VWDE: variants seen among roughly 807,000 people sequenced by gnomAD.
The protein encoded by VWDE is von Willebrand factor D and EGF domains.
A neutral mutation model predicts 178.4 loss-of-function variants in VWDE; 207 were observed. The observed-to-expected ratio is 1.16, with a 90% confidence interval of 1.04 to 1.30. VWDE has a LOEUF of 1.30. Ranked by LOEUF, VWDE falls within the 50% of genes most tolerant of loss-of-function variation. VWDE has a pLI of 0.00. For synonymous variants in VWDE, 738 were observed against 651.4 expected, an observed-to-expected ratio of 1.13 and a Z score of -2.02; for missense variants, 2,287 against 1,901.3, an observed-to-expected ratio of 1.20 and a Z score of -3.77.
chr7:12,378,999 A>G (rs1459897003), intron 6 of VWDE, among the ~76,000 whole-genome samples: 8 of 152,116 alleles, frequency 5.3e-5, no homozygotes, highest in Admixed American at 5.2e-4. Flanking sequence ...CATCTGCTAG[A>G]ATAGCTCTTC....
chr7:12,360,469 G>T (rs981808657), intron 15 of VWDE, among the ~76,000 whole-genome samples: 34 of 152,090 alleles, frequency 2.2e-4, no homozygotes, highest in African/African-American at 8.0e-4. Flanking sequence ...GATTTGATCT[G>T]ATGACTAATC....
chr7:12,370,105 C>T lies in VWDE; in HGVS notation c.2201G>A (p.Gly734Asp). The T allele has an allele frequency of 6.4e-7, 1 of 1,551,476 alleles. No individual in the cohort carries two copies. Among genetic ancestry groups the T allele is most frequent in the Non-Finnish European group, 8.7e-7 (1 of 1,146,894 alleles). Residue 734 changes from glycine to aspartate, a missense_variant, in exon 12 of 29, where the codon GGC becomes GAC. Physicochemically the swap from Gly to Asp is moderately conservative, Grantham distance 94. Coordinates refer to ENST00000275358, the MANE Select transcript of VWDE (RefSeq NM_001135924.3). ...QYLANKKYTQGRGSHSQEMRY... is the reference protein window; with the variant it reads ...QYLANKKYTQDRGSHSQEMRY... ...CATTTCTTGGCTGTGGCTTCCCCGGCCTTGTGTATATTTCTTATTGGCCAA... is the reference window on the plus strand; with the variant it reads ...CATTTCTTGGCTGTGGCTTCCCCGGTCTTGTGTATATTTCTTATTGGCCAA...
intron 2 of VWDE, among the ~76,000 whole-genome samples, chr7:12,389,775 G>T (rs1289663809): frequency 6.6e-6 from 1 of 152,174 alleles, no homozygotes; most frequent in Non-Finnish European, 1.5e-5. Flanking sequence ...GTATGCACAA[G>T]AAGTTAATGC....
At chr7:12,380,774 C>T (rs920401914) in intron 4 of VWDE, 41 bp from the exon 5 acceptor site, 17 of 1,545,820 alleles carry the variant, frequency 1.1e-5, no homozygotes, top group Admixed American at 2.0e-5. Flanking sequence ...GAATCTTAGA[C>T]AATGGAGACT....
At chr7:12,371,314 T>G (rs1417603729) in intron 10 of VWDE, among the ~76,000 whole-genome samples, 2 of 152,112 alleles carry the variant, frequency 1.3e-5, no homozygotes, top group African/African-American at 4.8e-5. Flanking sequence ...TAGTTGCCAG[T>G]AGACAAACAG....
At chr7:12,374,253 G>GT (rs1235963795) in intron 9 of VWDE, among the ~76,000 whole-genome samples, 2 of 151,884 alleles carry the variant, frequency 1.3e-5, no homozygotes, top group Non-Finnish European at 2.9e-5. Context: ...AGTTATAATA[G>GT]TTTTTTTCCT....
At chr7:12,400,385 G>C (rs895049085) in intron 1 of VWDE, among the ~76,000 whole-genome samples, 1 of 151,870 alleles carries the variant, frequency 6.6e-6, no homozygotes, top group Admixed American at 6.6e-5. Flanking sequence ...ATGAAATAGG[G>C]GACACTACTG....
chr7:12,376,529 G>A (rs990221570), intron 7 of VWDE, among the ~76,000 whole-genome samples: 3 of 152,050 alleles, frequency 2.0e-5, no homozygotes, highest in African/African-American at 7.2e-5. Flanking sequence ...TTGAAAGCAT[G>A]AAAATATATT....
In VWDE at chr7:12,403,820, TCA is replaced by T. The variant is rs1785034720; in HGVS notation, c.-106_-105del. 3 of 1,275,034 alleles carry T rather than the reference TCA, an allele frequency of 2.4e-6. No homozygotes were observed. The highest frequency in any genetic ancestry group is 3.3e-6 in the Non-Finnish European group (3 of 908,604). 79.0% of individuals were successfully genotyped at this position (1,275,034 alleles called of 1,614,324 possible). On this transcript the variant is annotated 5_prime_UTR_variant, in exon 1 of 29. Coordinates refer to ENST00000275358, the MANE Select transcript of VWDE (RefSeq NM_001135924.3). Reference sequence around the variant, plus strand: ...CTCGGGCCTCCTTTCTTGGATTTTCTCAGTCTGTTGCTGCTTGGAACAGGGAA... The same window carrying T: ...CTCGGGCCTCCTTTCTTGGATTTTCTGTCTGTTGCTGCTTGGAACAGGGAA...
chr7:12,392,840 C>G (rs1292239726), intron 2 of VWDE, among the ~76,000 whole-genome samples: 1 of 148,088 alleles, frequency 6.8e-6, no homozygotes, highest in African/African-American at 2.5e-5. Context: ...GATGTGAGTT[C>G]ATGTACAAAA....
intron 19 of VWDE, among the ~76,000 whole-genome samples, chr7:12,345,915 G>C (rs1237822007): frequency 6.6e-6 from 1 of 152,050 alleles, no homozygotes; most frequent in East Asian, 1.9e-4. Context: ...AGTAAATCTT[G>C]TACTAATTAG....
intron 10 of VWDE, among the ~76,000 whole-genome samples, chr7:12,372,259 T>C (rs553198658): frequency 1.3e-5 from 2 of 152,196 alleles, no homozygotes; most frequent in African/African-American, 2.4e-5. Context: ...ACCTGTTTTA[T>C]ACGTAGCAAA....
At chr7:12,389,090 T>A (rs777160260) in intron 3 of VWDE, 37 bp downstream of exon 3, 1 of 1,354,136 alleles carries the variant, frequency 7.4e-7, no homozygotes, top group South Asian at 1.3e-5. Flanking sequence ...CAGAGTTCCA[T>A]GAATAACAGT....
At chr7:12,393,964 A>G (rs1233776329) in intron 1 of VWDE, among the ~76,000 whole-genome samples, 186 bp from the exon 2 acceptor site, 2 of 152,210 alleles carry the variant, frequency 1.3e-5, no homozygotes, top group East Asian at 3.8e-4. Flanking sequence ...TGCATGTTTC[A>G]TAAATGCGAT....
Position 12,361,151 on chromosome 7 carries a change from A to T in VWDE, c.3155T>A (p.Ile1052Lys), listed in dbSNP as rs765258150. Residue 1052 changes from isoleucine to lysine, a missense_variant, in exon 15 of 29, where the codon ATA becomes AAA. By Grantham distance (102) the Ile-to-Lys change is moderately radical. Coordinates refer to ENST00000275358, the MANE Select transcript of VWDE (RefSeq NM_001135924.3). ...ATACATGAAAAAAATACATACCTTT[A>T]TAGTACATGAGTCATTTTTATAGAG... ...CGLYKNDSCT[I>K]KENVCIIDGL... 6.6e-7 allele frequency: 1 copy of T among 1,512,116 alleles called. No individual in the cohort carries two copies. The highest frequency in any genetic ancestry group is 1.2e-5 in the South Asian group (1 of 81,656). 93.7% of individuals were successfully genotyped at this position (1,512,116 alleles called of 1,614,324 possible).
rs532030072 is a variant in VWDE at position 12,357,614 on chromosome 7, G to A, written c.3275-99C>T. 6.7e-6 allele frequency: 9 copies of A among 1,339,582 alleles called. No individual in the cohort carries two copies. In the African/African-American group the frequency reaches 7.4e-5, roughly 11 times the overall value. The allele number at this position is 1,339,582 out of a possible 1,614,324, so 83.0% of individuals were successfully genotyped here. Reference sequence around the variant, plus strand: ...AGAGATATGCATTTTGATAAAGACTGAACTCTGCTAAAAGGTCTATTAGCT... The same window carrying A: ...AGAGATATGCATTTTGATAAAGACTAAACTCTGCTAAAAGGTCTATTAGCT... On this transcript the variant is annotated intron_variant, in intron 16 of 28. Coordinates refer to ENST00000275358, the MANE Select transcript of VWDE (RefSeq NM_001135924.3).
intron 22 of VWDE, among the ~76,000 whole-genome samples, chr7:12,342,586 T>C (rs1023671744): frequency 2.6e-5 from 4 of 152,120 alleles, no homozygotes; most frequent in Non-Finnish European, 4.4e-5. Flanking sequence ...GTAACTGTTG[T>C]CATCAATCAT....
Position 12,361,520 on chromosome 7 carries a change from T to C in VWDE, c.2900A>G (p.Tyr967Cys), listed in dbSNP as rs1259884435. 2.0e-6 allele frequency: 3 copies of C among 1,523,678 alleles called. No homozygotes were observed. Among genetic ancestry groups the C allele is most frequent in the South Asian group, 2.5e-5 (2 of 78,532 alleles). The allele number at this position is 1,523,678 out of a possible 1,614,324, so 94.4% of individuals were successfully genotyped here. A position where few individuals can be genotyped will look rare whatever the true frequency, so the allele number is the denominator to read the frequency against. ...TCCAGGCATCCATTCACTGCTATTA[T>C]ACTGAAGACATAGTGAGAAAAAAAT... ...SIKCEVTKLQ[Y>C]NSSEWMPGEP... is the part of the protein sequence containing the mutation. Residue 967 changes from tyrosine to cysteine, a missense_variant and splice_region_variant, in exon 14 of 29, where the codon TAT (tyrosine) becomes TGT (cysteine). By Grantham distance (194) the Tyr-to-Cys change is radical. Coordinates refer to ENST00000275358, the MANE Select transcript of VWDE (RefSeq NM_001135924.3).
chr7:12,344,215 C>T lies in VWDE; in HGVS notation c.4058G>A (p.Gly1353Asp). The change falls in exon 21 of 29, where the codon GGT becomes GAT. Residue 1353 changes from glycine to aspartate, a missense_variant. Transcript: ENST00000275358. ...PNICQCLPGH[G>D]GATCDEEHCN... ...ATCACCTTCATCACAGGTTGCTCCA[C>T]CATGTCCTGGAAGACACTGACAAAT... 6.4e-7 allele frequency: 1 copy of T among 1,551,116 alleles called. No homozygotes were observed. Among genetic ancestry groups the T allele is most frequent in the South Asian group, 1.2e-5 (1 of 84,026 alleles).
Sources: gnomAD v4.1 joint callset for allele counts (sites outside exome capture counted in the v4.1 genomes callset) on GRCh38, gnomAD v4.1.1 for gene constraint, MANE v1.5 for transcripts, NCBI Gene and HGNC (gene_info 2026-07-23, HGNC 2026-07-21) for gene names.